PAX3: variants seen among roughly 807,000 people sequenced by gnomAD.
PAX3 encodes paired box protein Pax-3.
PAX3 carries 14 observed loss-of-function variants against 51.6 expected under a neutral mutation model. That is an observed-to-expected ratio of 0.27 (90% CI 0.18 to 0.42). The LOEUF (loss-of-function observed/expected upper bound fraction) is 0.42. Among genes scored for constraint, PAX3 ranks in the 10% least tolerant of loss-of-function variants. PAX3 has a pLI of 1.00. For synonymous variants in PAX3, 280 were observed against 253.4 expected, an observed-to-expected ratio of 1.11 and a Z score of -1.00; for missense variants, 540 against 642.8, an observed-to-expected ratio of 0.84 and a Z score of 1.73.
chr2:222,275,835 G>A (rs1273681041), intron 4 of PAX3, among the ~76,000 whole-genome samples: 1 of 152,114 alleles, frequency 6.6e-6, no homozygotes, highest in Non-Finnish European at 1.5e-5. Flanking sequence ...ACTCTGTTTG[G>A]CATTGAAAAT....
intron 4 of PAX3, among the ~76,000 whole-genome samples, chr2:222,270,709 A>C (rs1041249731): frequency 2.6e-5 from 4 of 152,196 alleles, no homozygotes; most frequent in African/African-American, 9.7e-5. Flanking sequence ...CAATCTTGTG[A>C]CATGAGCCAA....
At chr2:222,284,273 A>G (rs1694748211) in intron 4 of PAX3, among the ~76,000 whole-genome samples, 1 of 152,198 alleles carries the variant, frequency 6.6e-6, no homozygotes, top group African/African-American at 2.4e-5. Flanking sequence ...AAAGACTATA[A>G]CAGCATTTTA....
chr2:222,297,795 C>A (rs924427790), intron 1 of PAX3, among the ~76,000 whole-genome samples: 5 of 152,182 alleles, frequency 3.3e-5, no homozygotes, highest in African/African-American at 1.2e-4. Flanking sequence ...GTTCCTGGGC[C>A]CCCAGCCCCC....
intron 4 of PAX3, among the ~76,000 whole-genome samples, chr2:222,292,504 G>A (rs1695079932): frequency 6.6e-6 from 1 of 152,176 alleles, no homozygotes; most frequent in Non-Finnish European, 1.5e-5. Context: ...TGTCTCCTGG[G>A]CCTCAGTCGC....
rs1327745190 is a variant in PAX3, at chr2:222,201,160, G to A, written c.*248C>T. The stretch of plus-strand genomic sequence containing the variant: ...CCATGTGAAACCATTGCCTTAAAAT[G>A]TTGCATTTGTCTTTTATTGCTCCAG... On this transcript the variant is annotated 3_prime_UTR_variant, in exon 9 of 9. Coordinates refer to ENST00000392070, the MANE Select transcript of PAX3 (RefSeq NM_181458.4). The A allele has an allele frequency of 6.8e-6, 11 of 1,613,438 alleles. No individual in the cohort carries two copies. Among genetic ancestry groups the A allele is most frequent in the African/African-American group, 4.0e-5 (3 of 74,904 alleles).
At chr2:222,284,968 G>T (rs538920360) in intron 4 of PAX3, among the ~76,000 whole-genome samples, 1 of 152,100 alleles carries the variant, frequency 6.6e-6, no homozygotes, top group Non-Finnish European at 1.5e-5. Flanking sequence ...TTTCACCTTG[G>T]GTACTGTGTT....
chr2:222,273,520 A>G (rs1243335906), intron 4 of PAX3, among the ~76,000 whole-genome samples: 1 of 152,218 alleles, frequency 6.6e-6, no homozygotes, highest in Non-Finnish European at 1.5e-5. Flanking sequence ...TTTCCTCCTC[A>G]AACAGATTGT....
chr2:222,209,322 C>T (rs1343768335), intron 7 of PAX3, among the ~76,000 whole-genome samples: 1 of 152,068 alleles, frequency 6.6e-6, no homozygotes, highest in Non-Finnish European at 1.5e-5. Flanking sequence ...AAGACGCTTC[C>T]TTGCCCTTTT....
intron 7 of PAX3, among the ~76,000 whole-genome samples, chr2:222,211,020 C>T (rs1215796864): frequency 3.3e-5 from 5 of 152,108 alleles, no homozygotes; most frequent in African/African-American, 7.2e-5. Flanking sequence ...GTGCAGGCCA[C>T]CATTCCCAGC....
intron 4 of PAX3, chr2:222,293,814 C>T: frequency 6.2e-7 from 1 of 1,614,010 alleles, no homozygotes; most frequent in Non-Finnish European, 8.5e-7. Flanking sequence ...CTATCCCCGG[C>T]CCTACAATTG....
At chr2:222,249,727 G>A (rs2106123303) in intron 4 of PAX3, among the ~76,000 whole-genome samples, 1 of 152,250 alleles carries the variant, frequency 6.6e-6, no homozygotes, top group South Asian at 2.1e-4. Context: ...TCTCTCCACT[G>A]TAAATTCACT....
At chr2:222,290,988 C>T (rs1216082088) in intron 4 of PAX3, among the ~76,000 whole-genome samples, 1 of 150,942 alleles carries the variant, frequency 6.6e-6, no homozygotes, top group Non-Finnish European at 1.5e-5. Context: ...GTGAGAAGGA[C>T]ATAAAGGAGG....
At chr2:222,253,041 T>A (rs2106128752) in intron 4 of PAX3, among the ~76,000 whole-genome samples, 2 of 152,310 alleles carry the variant, frequency 1.3e-5, no homozygotes, top group South Asian at 4.1e-4. Context: ...ACCCATAGGC[T>A]ACTTCCATCA....
chr2:222,284,549 C>A (rs1694761302), intron 4 of PAX3, among the ~76,000 whole-genome samples: 1 of 152,058 alleles, frequency 6.6e-6, no homozygotes, highest in South Asian at 2.1e-4. Context: ...AATAGTTGCT[C>A]ATAAACTCAA....
At chr2:222,237,190 A>G (rs962118187) in intron 4 of PAX3, among the ~76,000 whole-genome samples, 2 of 151,918 alleles carry the variant, frequency 1.3e-5, no homozygotes, top group African/African-American at 4.8e-5. Flanking sequence ...GGAAACTGAG[A>G]CTCCAAGAGG....
chr2:222,252,593 A>G lies in PAX3; in HGVS notation c.587-20310T>C, dbSNP rs886955082. Among the ~76,000 whole-genome samples the G allele has an allele frequency of 4.6e-5, 7 of 152,096 alleles. No individual in the cohort carries two copies. In the East Asian group the frequency reaches 1.3e-3, roughly 29 times the overall value. On this transcript the variant is annotated intron_variant, in intron 4 of 8. Coordinates refer to ENST00000392070, the MANE Select transcript of PAX3 (RefSeq NM_181458.4). ...TCACCATCTAAGACTCAAAACTCCC[A>G]TTATCCACAGCATAATGCAAGTCCC...
intron 4 of PAX3, among the ~76,000 whole-genome samples, chr2:222,233,409 G>A (rs1268041475): frequency 6.6e-6 from 1 of 152,120 alleles, no homozygotes; most frequent in Non-Finnish European, 1.5e-5. Flanking sequence ...GTAAGAACAG[G>A]GTCTGAATCT....
chr2:222,288,531 C>G (rs1303355505), intron 4 of PAX3, among the ~76,000 whole-genome samples: 4 of 152,188 alleles, frequency 2.6e-5, no homozygotes, highest in African/African-American at 9.7e-5. Flanking sequence ...TCCCTACCTA[C>G]TTTTACATAA....
intron 4 of PAX3, among the ~76,000 whole-genome samples, chr2:222,289,123 A>G (rs1268060374): frequency 1.3e-5 from 2 of 152,248 alleles, no homozygotes; most frequent in African/African-American, 4.8e-5. Flanking sequence ...CTTGTTAGTT[A>G]TATATGTACA....
Sources: allele counts gnomAD v4.1 joint callset (sites outside exome capture counted in the v4.1 genomes callset), GRCh38; gene constraint gnomAD v4.1.1; transcripts MANE v1.5; gene names NCBI Gene and HGNC (gene_info 2026-07-23, HGNC 2026-07-21).